The following DGKB variants were observed in gnomAD, a reference collection of about 807,000 sequenced individuals.
The protein encoded by DGKB is diacylglycerol kinase beta, also known as 90 kDa diacylglycerol kinase.
A neutral mutation model predicts 114.3 loss-of-function variants in DGKB; 67 were observed. The observed-to-expected ratio is 0.59, with a 90% CI of 0.48 to 0.72. The LOEUF is 0.72. Among genes scored for constraint, DGKB ranks in the 30% least tolerant of loss-of-function variants. DGKB has a pLI of 0.00. For synonymous variants in DGKB, 398 were observed against 323.1 expected (o/e 1.23, Z -2.49); for missense variants, 907 against 975.2 (o/e 0.93, Z 0.93).
chr7:14,663,876 T>C (rs1181988594), intron 13 of DGKB, among the ~76,000 whole-genome samples: 3 of 151,924 alleles, frequency 2.0e-5, no homozygotes, highest in African/African-American at 4.8e-5. Context: ...ATAACACTTC[T>C]GAAAAGAGGC....
chr7:14,244,688 A>AAAG (rs1794209136), intron 23 of DGKB, among the ~76,000 whole-genome samples: 1 of 149,230 alleles, frequency 6.7e-6, no homozygotes, highest in Middle Eastern at 3.2e-3. Flanking sequence ...AAAAAAAAAA[A>AAAG]AAAAAGGGGT....
chr7:14,672,288 A>G (rs1819089639), intron 13 of DGKB, among the ~76,000 whole-genome samples: 1 of 152,068 alleles, frequency 6.6e-6, no homozygotes, highest in South Asian at 2.1e-4. Context: ...AATAACTTTA[A>G]TTTTCAAAGT....
At chr7:14,428,540 C>T (rs1827937943) in intron 21 of DGKB, among the ~76,000 whole-genome samples, 1 of 152,082 alleles carries the variant, frequency 6.6e-6, no homozygotes, top group South Asian at 2.1e-4. Context: ...CCTGCTCCTT[C>T]CTCCCTTTCT....
chr7:14,602,855 C>T (rs1803804638), intron 17 of DGKB, among the ~76,000 whole-genome samples: 1 of 152,138 alleles, frequency 6.6e-6, no homozygotes, highest in African/African-American at 2.4e-5. Context: ...CAATTCAGAA[C>T]ATGTTTGTTT....
intron 20 of DGKB, among the ~76,000 whole-genome samples, chr7:14,573,966 T>C (rs1798754131): frequency 6.6e-6 from 1 of 152,100 alleles, no homozygotes; most frequent in Non-Finnish European, 1.5e-5. Context: ...ACAAAGAATA[T>C]AGTTTTTTTC....
intron 20 of DGKB, among the ~76,000 whole-genome samples, chr7:14,515,756 T>A (rs1218458670): frequency 6.6e-6 from 1 of 152,206 alleles, no homozygotes; most frequent in South Asian, 2.1e-4. Context: ...CTATTTTTCT[T>A]AAAACTACTT....
At chr7:14,917,826 A>G (rs1453251686) in intron 1 of DGKB, among the ~76,000 whole-genome samples, 1 of 152,104 alleles carries the variant, frequency 6.6e-6, no homozygotes, top group African/African-American at 2.4e-5. Context: ...GAAAAACTAT[A>G]GACAATTATA....
At chr7:14,642,772 T>C (rs1812064494) in intron 13 of DGKB, among the ~76,000 whole-genome samples, 1 of 152,236 alleles carries the variant, frequency 6.6e-6, no homozygotes, top group Non-Finnish European at 1.5e-5. Context: ...GCATATGGTA[T>C]ATTACATAAG....
At chr7:14,770,212 T>C (rs1188562767) in intron 2 of DGKB, among the ~76,000 whole-genome samples, 1 of 151,868 alleles carries the variant, frequency 6.6e-6, no homozygotes, top group East Asian at 1.9e-4. Flanking sequence ...CTGTGAAGGA[T>C]AAAGAGGAGC....
chr7:14,687,917 T>C (rs1376571141), intron 9 of DGKB, among the ~76,000 whole-genome samples: 1 of 152,192 alleles, frequency 6.6e-6, no homozygotes, highest in Non-Finnish European at 1.5e-5. Flanking sequence ...CTGCAACTGA[T>C]GTACAAATCC....
chr7:14,499,054 G>C (rs574738677), intron 20 of DGKB, among the ~76,000 whole-genome samples: 2 of 151,788 alleles, frequency 1.3e-5, no homozygotes, highest in East Asian at 3.9e-4. Flanking sequence ...GTAGAGAAAA[G>C]GTGTTTCTTA....
rs73070775 is a variant in DGKB, at chr7:14,811,894, A to G, written c.70+29300T>C. On this transcript the variant is annotated intron_variant, in intron 2 of 25. Coordinates refer to ENST00000402815, the MANE Select transcript of DGKB (RefSeq NM_001350709.2). ...ACCATCAGCACTATGTATCTTTAGA[A>G]CTTTTTTATTTTCCCCAACTGAAAC... 1.9e-3 allele frequency among the ~76,000 whole-genome samples: 232 copies of G among 120,178 alleles called. 1 individual carries two copies. In the Middle Eastern group the frequency reaches 0.024, roughly 13 times the overall value. 78.8% of individuals were successfully genotyped at this position (120,178 alleles called of 152,430 possible).
At chr7:14,729,278 A>AG (rs1295411583) in intron 5 of DGKB, among the ~76,000 whole-genome samples, 4 of 137,818 alleles carry the variant, frequency 2.9e-5, no homozygotes, top group Non-Finnish European at 6.7e-5. Context: ...GCCTGCCACC[A>AG]CATCCGGCTA....
intron 1 of DGKB, among the ~76,000 whole-genome samples, chr7:14,960,295 G>A (rs1438007357): frequency 6.6e-6 from 1 of 151,994 alleles, no homozygotes; most frequent in Non-Finnish European, 1.5e-5. Context: ...TTGGAAAATT[G>A]TGATCTATTT....
At chr7:14,601,881 A>G in intron 17 of DGKB, among the ~76,000 whole-genome samples, 1 of 152,074 alleles carries the variant, frequency 6.6e-6, no homozygotes, top group East Asian at 1.9e-4. Context: ...GCAACCATGT[A>G]GATAATCTCT....
intron 1 of DGKB, among the ~76,000 whole-genome samples, chr7:14,869,392 T>G (rs1852139426): frequency 6.6e-6 from 1 of 152,160 alleles, no homozygotes; most frequent in Admixed American, 6.5e-5. Context: ...AGCTTAAAGG[T>G]TTTCTTTTAT....
At chr7:14,742,177 T>C (rs886097426) in intron 4 of DGKB, among the ~76,000 whole-genome samples, 3 of 152,164 alleles carry the variant, frequency 2.0e-5, no homozygotes, top group African/African-American at 7.2e-5. Flanking sequence ...CAAAATCTGT[T>C]TTTGTCTTCC....
intron 21 of DGKB, among the ~76,000 whole-genome samples, chr7:14,438,113 A>G (rs1290549376): frequency 1.3e-5 from 2 of 152,086 alleles, no homozygotes; most frequent in Admixed American, 1.3e-4. Context: ...ACAAGTATCT[A>G]TCTAAATCAA....
chr7:14,264,657 G>A (rs888354636), intron 23 of DGKB, among the ~76,000 whole-genome samples: 4 of 152,172 alleles, frequency 2.6e-5, no homozygotes, highest in African/African-American at 7.2e-5. Flanking sequence ...GAGAAGTCAT[G>A]TGGAGAATGA....
Sources: gnomAD v4.1 joint callset for allele counts (sites outside exome capture counted in the v4.1 genomes callset) on GRCh38, gnomAD v4.1.1 for gene constraint, MANE v1.5 for transcripts, NCBI Gene and HGNC (gene_info 2026-07-23, HGNC 2026-07-21) for gene names.